The following FMNL2 variants were observed in gnomAD, a reference collection of about 807,000 sequenced individuals.
FMNL2 encodes formin-like protein 2.
In FMNL2, 51 loss-of-function variants were observed where a neutral mutation model predicts 130.2. That is an observed-to-expected ratio of 0.39 (90% CI 0.31 to 0.49). FMNL2 has a LOEUF of 0.49. FMNL2 is among the 20% of genes least tolerant of loss of function. The pLI is 0.85. For synonymous variants in FMNL2, 465 were observed against 467.1 expected (o/e 1.00, Z 0.06); for missense variants, 977 against 1,316.2 (o/e 0.74, Z 3.99).
intron 4 of FMNL2, among the ~76,000 whole-genome samples, chr2:152,554,759 T>C (rs1695117178): frequency 6.6e-6 from 1 of 152,204 alleles, no homozygotes; most frequent in East Asian, 1.9e-4. Flanking sequence ...TTTGAGTAAA[T>C]GTCTGCCACA....
intron 5 of FMNL2, among the ~76,000 whole-genome samples, 166 bp downstream of exon 5, chr2:152,558,989 G>C (rs1455282433): frequency 6.6e-6 from 1 of 152,014 alleles, no homozygotes; most frequent in Non-Finnish European, 1.5e-5. Context: ...ATCACATAAT[G>C]GTATTAGAAA....
At chr2:152,637,473 C>A in intron 22 of FMNL2, 100 bp from the exon 23 acceptor site, 1 of 885,688 alleles carries the variant, frequency 1.1e-6, no homozygotes, top group Non-Finnish European at 1.8e-6. Context: ...GCCATGGGAG[C>A]CTCTGTCTTG....
intron 1 of FMNL2, among the ~76,000 whole-genome samples, chr2:152,461,389 T>G (rs188461120): frequency 1.3e-5 from 2 of 152,322 alleles, no homozygotes; most frequent in African/African-American, 4.8e-5. Flanking sequence ...CTTTGAGATC[T>G]GGTGTATGAT....
At chr2:152,468,402 T>C (rs1579737977) in intron 1 of FMNL2, among the ~76,000 whole-genome samples, 1 of 152,226 alleles carries the variant, frequency 6.6e-6, no homozygotes, top group East Asian at 1.9e-4. Context: ...TTAAAAACAC[T>C]TCAGTTACTG....
chr2:152,483,594 G>T (rs1690652898), intron 1 of FMNL2, among the ~76,000 whole-genome samples: 1 of 152,306 alleles, frequency 6.6e-6, no homozygotes, highest in South Asian at 2.1e-4. Context: ...AAATGACAGT[G>T]ACTTCTCATG....
intron 1 of FMNL2, among the ~76,000 whole-genome samples, chr2:152,501,476 A>G (rs1691830146): frequency 1.3e-5 from 2 of 152,218 alleles, no homozygotes; most frequent in African/African-American, 4.8e-5. Flanking sequence ...ATGCTAATGA[A>G]GGCTCTATTC....
chr2:152,342,066 T>C lies in FMNL2; in HGVS notation c.117+6346T>C, dbSNP rs958274147. Among the ~76,000 whole-genome samples the C allele has an allele frequency of 2.0e-5, 3 of 152,308 alleles. No individual in the cohort carries two copies. In the South Asian group the frequency reaches 6.2e-4, roughly 32 times the overall value. ...GAAAGATCTCCTGGTAGGTGCTTCC[T>C]GGGCTTAAAGAAGAAAAAGATACGT... On this transcript the variant is annotated intron_variant, in intron 1 of 25. Transcript: ENST00000288670.
At chr2:152,368,834 AT>A (rs1683709855) in intron 1 of FMNL2, among the ~76,000 whole-genome samples, 1 of 151,988 alleles carries the variant, frequency 6.6e-6, no homozygotes, top group African/African-American at 2.4e-5. Flanking sequence ...AACTATTAAC[AT>A]TTTTTTCCTC....
intron 3 of FMNL2, among the ~76,000 whole-genome samples, chr2:152,543,397 G>A (rs185950389): frequency 1.5e-4 from 23 of 152,238 alleles, no homozygotes; most frequent in East Asian, 7.7e-4. Flanking sequence ...CTGATGCCTC[G>A]TGGTAAAGCA....
At chr2:152,642,638 G>A (rs184977024) in intron 25 of FMNL2, among the ~76,000 whole-genome samples, 4 of 152,296 alleles carry the variant, frequency 2.6e-5, no homozygotes, top group African/African-American at 7.2e-5. Flanking sequence ...CTCCTTCCTA[G>A]GTAAGCACTT....
At chr2:152,542,650 T>C in intron 2 of FMNL2, 89 bp from the exon 3 acceptor site, 1 of 1,285,934 alleles carries the variant, frequency 7.8e-7, no homozygotes, top group Non-Finnish European at 1.1e-6. Flanking sequence ...TGGATGCATT[T>C]TGGTCATATT....
chr2:152,443,035 T>C (rs539391406), intron 1 of FMNL2, among the ~76,000 whole-genome samples: 1 of 152,268 alleles, frequency 6.6e-6, no homozygotes, highest in African/African-American at 2.4e-5. Context: ...GCAGGGCAAA[T>C]GACCTGAAAA....
chr2:152,645,285 A>G (rs1229531922), intron 25 of FMNL2: 4 of 387,702 alleles, frequency 1.0e-5, no homozygotes, highest in Non-Finnish European at 1.9e-5. Context: ...CCCTTATTTG[A>G]TCTAACATTT....
Position 152,640,931 on chromosome 2 carries a change from C to T in FMNL2, c.3169+17C>T, listed in dbSNP as rs754621178. The T allele has an allele frequency of 1.2e-6, 2 of 1,612,750 alleles. No individual in the cohort carries two copies. The highest frequency in any genetic ancestry group is 1.7e-6 in the Non-Finnish European group (2 of 1,179,272). On this transcript the variant is annotated intron_variant, in intron 25 of 25. Coordinates refer to ENST00000288670, the MANE Select transcript of FMNL2 (RefSeq NM_052905.4). ...TTATCACAGGTAAAAGATATTTCTTCACTGTGGCCCATGGAGATCCCACTG... is the reference window on the plus strand; with the variant it reads ...TTATCACAGGTAAAAGATATTTCTTTACTGTGGCCCATGGAGATCCCACTG...
At chr2:152,591,366 C>T (rs1432289171) in intron 9 of FMNL2, among the ~76,000 whole-genome samples, 1 of 152,198 alleles carries the variant, frequency 6.6e-6, no homozygotes, top group Non-Finnish European at 1.5e-5. Flanking sequence ...GCTCAGTTAT[C>T]TTTTGTGTAA....
At chr2:152,501,060 G>T (rs1001773190) in intron 1 of FMNL2, among the ~76,000 whole-genome samples, 6 of 152,208 alleles carry the variant, frequency 3.9e-5, no homozygotes, top group African/African-American at 1.4e-4. Context: ...TGAAAATTTT[G>T]ATTCTTCTAT....
intron 4 of FMNL2, among the ~76,000 whole-genome samples, chr2:152,557,724 A>G (rs1695303845): frequency 6.6e-6 from 1 of 152,258 alleles, no homozygotes; most frequent in African/African-American, 2.4e-5. Context: ...AATAACTAAC[A>G]AAACTGGCTT....
intron 5 of FMNL2, 60 bp downstream of exon 5, chr2:152,558,883 A>G (rs1367387981): frequency 1.4e-6 from 2 of 1,443,458 alleles, no homozygotes; most frequent in East Asian, 2.3e-5. Context: ...GATGCTACTC[A>G]GTGGTAAAAT....
intron 3 of FMNL2, among the ~76,000 whole-genome samples, chr2:152,545,131 C>G (rs1694549961): frequency 1.3e-5 from 2 of 152,150 alleles, no homozygotes; most frequent in South Asian, 4.1e-4. Flanking sequence ...AAGATTCTGT[C>G]AGGAGCTGGC....
Sources: gnomAD v4.1 joint callset for allele counts (sites outside exome capture counted in the v4.1 genomes callset) on GRCh38, gnomAD v4.1.1 for gene constraint, MANE v1.5 for transcripts, NCBI Gene and HGNC (gene_info 2026-07-23, HGNC 2026-07-21) for gene names.